UPF1: variants seen among roughly 807,000 people sequenced by gnomAD.
UPF1 encodes UPF1 RNA helicase and ATPase.
Under a neutral mutation model 129.2 loss-of-function variants are expected in UPF1, and 9 were observed. That is an observed-to-expected ratio of 0.07 (90% CI 0.04 to 0.12). UPF1 has a LOEUF of 0.12. Among genes scored for constraint, UPF1 ranks in the 10% least tolerant of loss-of-function variants. The probability of loss-of-function intolerance (pLI) is 1.00; values close to 1 mark genes in which losing one functional copy is unlikely to be tolerated. For missense variants in UPF1, 788 were observed against 1,525.3 expected (o/e 0.52, Z 8.05); for synonymous variants, 649 against 644.9 (o/e 1.01, Z -0.10).
At chr19:18,844,722 A>T (rs1225525238) in intron 1 of UPF1, among the ~76,000 whole-genome samples, 1 of 151,360 alleles carries the variant, frequency 6.6e-6, no homozygotes, top group Non-Finnish European at 1.5e-5. Flanking sequence ...GAAGATGATG[A>T]CCCTCTTGTC....
intron 17 of UPF1, 123 bp from the exon 18 acceptor site, chr19:18,861,887 G>A (rs561854909): frequency 8.3e-6 from 11 of 1,321,974 alleles, no homozygotes; most frequent in Admixed American, 7.7e-5. Flanking sequence ...GGTGCGGTGA[G>A]CAGGCGCCAG....
rs147358907 is a variant in UPF1 at position 18,832,323 on chromosome 19, T to C, written c.114T>C (p.Phe38=). ...TQGSEFEFTD[F]TLPSQTQTPP... is the part of the protein sequence containing the mutation. The stretch of plus-strand genomic sequence containing the variant: ...GCTCCGAGTTCGAGTTCACCGACTT[T>C]ACTCTTCCTAGCCAGACGCAGACGC... Residue 38 remains phenylalanine, a synonymous_variant, in exon 1 of 24, where the codon TTT becomes TTC. Coordinates refer to ENST00000262803, the MANE Select transcript of UPF1 (RefSeq NM_002911.4). The surrounding 1 kb of genome is among the most constrained non-coding windows in gnomAD (Gnocchi z 5.6). 33 of 1,514,508 alleles carry C rather than the reference T, an allele frequency of 2.2e-5. No individual in the cohort carries two copies. Among genetic ancestry groups the C allele is most frequent in the Non-Finnish European group, 2.9e-5 (33 of 1,126,346 alleles). 93.8% of individuals were successfully genotyped at this position (1,514,508 alleles called of 1,614,324 possible).
chr19:18,864,639 GTC>G (rs1038006948), intron 20 of UPF1, among the ~76,000 whole-genome samples: 40 of 151,456 alleles, frequency 2.6e-4, no homozygotes, highest in African/African-American at 9.0e-4. Flanking sequence ...GTCCAGGCTG[GTC>G]TCAAACTCCT....
intron 19 of UPF1, 111 bp downstream of exon 19, chr19:18,863,723 T>C: frequency 7.2e-7 from 1 of 1,391,760 alleles, no homozygotes; most frequent in Non-Finnish European, 9.6e-7. Flanking sequence ...AGGGCTCTCC[T>C]AGGGGAGGGT....
At chr19:18,848,311 T>G (rs1415961913) in intron 3 of UPF1, 1 of 166,116 alleles carries the variant, frequency 6.0e-6, no homozygotes, top group Non-Finnish European at 1.3e-5. Context: ...CTTCCTGATG[T>G]TGATCAGCTG....
Position 18,867,492 on chromosome 19 carries a change from CG to C in UPF1, c.*980del, listed in dbSNP as rs1336256826. The C allele has an allele frequency of 6.6e-6, 1 of 152,578 alleles. No homozygotes were observed. Among genetic ancestry groups the C allele is most frequent in the Non-Finnish European group, 1.5e-5 (1 of 68,228 alleles). 9.5% of individuals were successfully genotyped at this position (152,578 alleles called of 1,614,324 possible). On this transcript the variant is annotated 3_prime_UTR_variant, in exon 24 of 24. Coordinates refer to ENST00000262803, the MANE Select transcript of UPF1 (RefSeq NM_002911.4). ...TGTTCCCGGATTGACGGCTTTTTCC[CG>C]GGGGCCTTTGGAAGATTTGGTGGAA...
intron 15 of UPF1, among the ~76,000 whole-genome samples, chr19:18,858,721 TCAG>T (rs1463636477): frequency 6.6e-6 from 1 of 152,112 alleles, no homozygotes; most frequent in Non-Finnish European, 1.5e-5. Flanking sequence ...TGCCTCCGAT[TCAG>T]CCAGATAGTA....
chr19:18,837,731 G>T (rs539479795), intron 1 of UPF1, among the ~76,000 whole-genome samples: 1 of 152,306 alleles, frequency 6.6e-6, no homozygotes, highest in South Asian at 2.1e-4. Context: ...GTCCCACTTT[G>T]TTCCTTCATC....
chr19:18,855,263 GC>G lies in UPF1; in HGVS notation c.1544+22del, dbSNP rs773890555. The G allele has an allele frequency of 6.9e-6, 11 of 1,605,830 alleles. No individual in the cohort carries two copies. In the African/African-American group the frequency reaches 1.5e-4, roughly 21 times the overall value. ...AACGGGTAGGGCTGACACGGCCCTT[GC>G]GGGCAAGACCCGGGAGGGCTTTAGG... On this transcript the variant is annotated intron_variant, in intron 11 of 23. Coordinates refer to ENST00000262803, the MANE Select transcript of UPF1 (RefSeq NM_002911.4).
chr19:18,855,006 G>A lies in UPF1; in HGVS notation c.1393G>A (p.Ala465Thr). ...IKCQLPKRFTAQGLPDLNHSQ... is the reference protein window; with the variant it reads ...IKCQLPKRFTTQGLPDLNHSQ... Reference sequence around the variant, plus strand: ...GTGCCAGCTGCCCAAGCGCTTCACGGCGCAGGGCCTCCCCGACCTCAACCA... The same window carrying A: ...GTGCCAGCTGCCCAAGCGCTTCACGACGCAGGGCCTCCCCGACCTCAACCA... Residue 465 changes from alanine to threonine, a missense_variant, in exon 10 of 24, where the codon GCG becomes ACG. This residue lies in a region of UPF1 where 227 missense variants were observed against 517.9 expected (regional missense o/e 0.44). Coordinates refer to ENST00000262803, the MANE Select transcript of UPF1 (RefSeq NM_002911.4). 6.2e-7 allele frequency: 1 copy of A among 1,614,062 alleles called. No individual in the cohort carries two copies. Among genetic ancestry groups the A allele is most frequent in the Non-Finnish European group, 8.5e-7 (1 of 1,180,032 alleles).
At position 18,853,166 on chromosome 19, in the gene UPF1, G is replaced by A; in HGVS notation, c.1058-86G>A. The A allele has an allele frequency of 6.3e-7, 1 of 1,596,900 alleles. No homozygotes were observed. The highest frequency in any genetic ancestry group is 1.1e-5 in the South Asian group (1 of 89,938). ...AGCATAAATTCCTAGTTCCACCCTT[G>A]TAAAGTGCCCCTTAATTTGAACTCT... On this transcript the variant is annotated intron_variant, in intron 7 of 23. Coordinates refer to ENST00000262803, the MANE Select transcript of UPF1 (RefSeq NM_002911.4). The surrounding 1 kb of genome is among the most constrained non-coding windows in gnomAD (Gnocchi z 4.4).
At position 18,860,929 on chromosome 19, in the gene UPF1, T is replaced by C; in HGVS notation, c.2404T>C (p.Tyr802His). 2 of 1,595,766 alleles carry C rather than the reference T, an allele frequency of 1.3e-6. No homozygotes were observed. The highest frequency in any genetic ancestry group is 1.7e-6 in the Non-Finnish European group (2 of 1,171,616). ...IITPYEGQRS[Y>H]LVQYMQFSGS... ...CACGCCCTACGAGGGCCAGCGCTCCTACCTGGTGCAGTACATGCAGTTCAG... is the reference window on the plus strand; with the variant it reads ...CACGCCCTACGAGGGCCAGCGCTCCCACCTGGTGCAGTACATGCAGTTCAG... The change falls in exon 17 of 24, where the codon TAC (tyrosine) becomes CAC (histidine). Residue 802 changes from tyrosine (Y) to histidine (H), a missense_variant. Transcript: ENST00000262803.
At position 18,865,644 on chromosome 19, in the gene UPF1, C is replaced by T. The variant is rs761365458; in HGVS notation, c.3103C>T (p.Leu1035Phe). The T allele has an allele frequency of 6.2e-7, 1 of 1,613,832 alleles. No homozygotes were observed. Among genetic ancestry groups the T allele is most frequent in the East Asian group, 2.2e-5 (1 of 44,876 alleles). ...GCTTCCTGGACCCAGCCAGACTAAC[C>T]TCCCCAACAGCCAAGCCAGCCAGGA... ...FGLPGPSQTNLPNSQASQDVA... is the reference protein window; with the variant it reads ...FGLPGPSQTNFPNSQASQDVA... Residue 1035 changes from leucine (L) to phenylalanine (F), a missense_variant, in exon 22 of 24, where the codon CTC becomes TTC. Around this residue, in one of 6 missense-constraint regions of UPF1, gnomAD observed 218 missense variants for 318.1 expected, o/e 0.69. Coordinates refer to ENST00000262803, the MANE Select transcript of UPF1 (RefSeq NM_002911.4). The surrounding 1 kb of genome is among the most constrained non-coding windows in gnomAD (Gnocchi z 6.1).
rs760885180 is a variant in UPF1 at position 18,855,267 on chromosome 19, GC to G, written c.1544+26del. ...GGTAGGGCTGACACGGCCCTTGCGG[GC>G]AAGACCCGGGAGGGCTTTAGGGTGG... On this transcript the variant is annotated intron_variant, in intron 11 of 23. Coordinates refer to ENST00000262803, the MANE Select transcript of UPF1 (RefSeq NM_002911.4). 2.0e-4 allele frequency: 326 copies of G among 1,604,414 alleles called. 2 individuals are homozygous for G. In the South Asian group the frequency reaches 3.5e-3, roughly 17 times the overall value.
intron 19 of UPF1, 149 bp downstream of exon 19, chr19:18,863,761 C>T (rs2055808460): frequency 8.5e-7 from 1 of 1,181,818 alleles, no homozygotes. Flanking sequence ...GGTGGGCCAG[C>T]CCACTTCTTG....
Position 18,846,001 on chromosome 19 carries a change from C to G in UPF1, c.253C>G (p.Gln85Glu). 6.2e-7 allele frequency: 1 copy of G among 1,614,124 alleles called. No individual in the cohort carries two copies. The highest frequency in any genetic ancestry group is 8.5e-7 in the Non-Finnish European group (1 of 1,180,024). The change falls in exon 2 of 24, where the codon CAG becomes GAG. Residue 85 changes from glutamine (Q) to glutamate (E), a missense_variant. By Grantham distance (29) the Gln-to-Glu change is conservative. Coordinates refer to ENST00000262803, the MANE Select transcript of UPF1 (RefSeq NM_002911.4). ...GCAGGTTGGGCCCGAAGGCATCCTG[C>G]AGAACGGGGCTGTGGACGACAGTGT... is the stretch of plus-strand genomic sequence containing the variant. ...DAQVGPEGIL[Q>E]NGAVDDSVAK... is the part of the protein sequence containing the mutation.
In UPF1 at chr19:18,846,045, G is replaced by A; in HGVS notation, c.297G>A (p.Leu99=). Residue 99 remains leucine (L), a synonymous_variant, in exon 2 of 24, where the codon TTG becomes TTA. Coordinates refer to ENST00000262803, the MANE Select transcript of UPF1 (RefSeq NM_002911.4). ...ACAGTGTAGCCAAGACCAGCCAGTT[G>A]TTGGCTGAGTTGAACTTCGAGGAAG... ...VDDSVAKTSQ[L]LAELNFEEDE... 6.2e-7 allele frequency: 1 copy of A among 1,614,208 alleles called. No individual in the cohort carries two copies. The highest frequency in any genetic ancestry group is 8.5e-7 in the Non-Finnish European group (1 of 1,180,038).
intron 20 of UPF1, among the ~76,000 whole-genome samples, chr19:18,864,643 C>CA (rs2055819268): frequency 1.3e-5 from 2 of 150,844 alleles, no homozygotes; most frequent in African/African-American, 2.4e-5. Flanking sequence ...AGGCTGGTCT[C>CA]AAACTCCTGC....
In UPF1 at chr19:18,855,029, C is replaced by T. The variant is rs1477276555; in HGVS notation, c.1416C>T (p.Asn472=). Residue 472 remains asparagine, a synonymous_variant, in exon 10 of 24, where the codon AAC becomes AAT. Transcript: ENST00000262803. ...RFTAQGLPDL[N]HSQVYAVKTV... is the part of the protein sequence containing the mutation. ...CGGCGCAGGGCCTCCCCGACCTCAA[C>T]CACTCCCAGGTGCGCGCCGTCCTCA... 1 of 1,613,856 alleles carries T rather than the reference C, an allele frequency of 6.2e-7. No individual in the cohort carries two copies. Among genetic ancestry groups the T allele is most frequent in the Non-Finnish European group, 8.5e-7 (1 of 1,180,010 alleles).
Sources: allele counts gnomAD v4.1 joint callset (sites outside exome capture counted in the v4.1 genomes callset), GRCh38; gene constraint gnomAD v4.1.1; regional missense constraint gnomAD v4.1.1; non-coding constraint Gnocchi (gnomAD v3.1); transcripts MANE v1.5; gene names NCBI Gene and HGNC (gene_info 2026-07-23, HGNC 2026-07-21).